Variants in ADGRL3 observed in about 807,000 individuals in gnomAD.
ADGRL3 encodes adhesion G protein-coupled receptor L3, also known as calcium-independent alpha-latrotoxin receptor 3.
ADGRL3 carries 62 observed loss-of-function variants against 153.5 expected under a neutral mutation model. The observed-to-expected ratio is 0.40, with a 90% CI of 0.33 to 0.50. The LOEUF (loss-of-function observed/expected upper bound fraction) is 0.50. ADGRL3 is among the 20% of genes least tolerant of loss of function. ADGRL3 has a pLI of 0.47. For synonymous variants in ADGRL3, 710 were observed against 672.5 expected (o/e 1.06, Z -0.86); for missense variants, 1,641 against 1,859.4 (o/e 0.88, Z 2.16).
At chr4:62,006,450 T>C (rs1431616279) in intron 21 of ADGRL3, among the ~76,000 whole-genome samples, 1 of 151,836 alleles carries the variant, frequency 6.6e-6, no homozygotes, top group Non-Finnish European at 1.5e-5. Context: ...CTTTTGGGGG[T>C]AGGACAGTTT....
intron 1 of ADGRL3, among the ~76,000 whole-genome samples, chr4:61,222,255 A>G (rs1168551786): frequency 1.3e-5 from 2 of 152,012 alleles, no homozygotes; most frequent in Admixed American, 6.6e-5. Flanking sequence ...TTTCTTTTAA[A>G]TCTGTTGTAA....
At chr4:61,208,019 C>G (rs1440002221) in intron 1 of ADGRL3, among the ~76,000 whole-genome samples, 1 of 152,112 alleles carries the variant, frequency 6.6e-6, no homozygotes, top group African/African-American at 2.4e-5. Flanking sequence ...ATTCTATTTC[C>G]AAATAATCCA....
At chr4:61,599,675 G>A (rs536209104) in intron 5 of ADGRL3, among the ~76,000 whole-genome samples, 2 of 152,216 alleles carry the variant, frequency 1.3e-5, no homozygotes, top group East Asian at 3.9e-4. Flanking sequence ...GAAAGCTGGA[G>A]GGACAGATAG....
chr4:61,973,843 T>C (rs2099038214), intron 17 of ADGRL3, among the ~76,000 whole-genome samples: 1 of 152,172 alleles, frequency 6.6e-6, no homozygotes, highest in Non-Finnish European at 1.5e-5. Flanking sequence ...ACAAATGAAT[T>C]AGTATTTTTC....
chr4:61,462,532 C>T (rs2097834464), intron 2 of ADGRL3, among the ~76,000 whole-genome samples: 1 of 152,066 alleles, frequency 6.6e-6, no homozygotes, highest in African/African-American at 2.4e-5. Flanking sequence ...ATCTTGTTCA[C>T]ATGAGTCAGC....
chr4:61,679,787 C>T (rs937007586), intron 6 of ADGRL3, among the ~76,000 whole-genome samples: 5 of 152,002 alleles, frequency 3.3e-5, no homozygotes, highest in Non-Finnish European at 5.9e-5. Flanking sequence ...AATACCTGTT[C>T]TTAAGAACCT....
At position 61,687,245 on chromosome 4, in the gene ADGRL3, A is replaced by G. The variant is rs1443104980; in HGVS notation, c.583+10310A>G. ...GTCTATATTCTAATTCTCAGAATGA[A>G]TATGTCACCTTAACAGTCAAAAGAG... On this transcript the variant is annotated intron_variant, in intron 6 of 26. Transcript: ENST00000683033. Among the ~76,000 whole-genome samples the G allele has an allele frequency of 2.6e-5, 4 of 152,060 alleles. No homozygotes were observed. In the East Asian group the frequency reaches 7.7e-4, roughly 29 times the overall value.
At chr4:61,560,185 C>T (rs954927168) in intron 4 of ADGRL3, among the ~76,000 whole-genome samples, 7 of 151,906 alleles carry the variant, frequency 4.6e-5, no homozygotes, top group Non-Finnish European at 8.8e-5. Context: ...TTATTTGCCT[C>T]GAAACACAAG....
intron 10 of ADGRL3, 102 bp downstream of exon 10, chr4:61,893,060 T>A: frequency 3.7e-6 from 2 of 541,416 alleles, no homozygotes; most frequent in East Asian, 7.2e-5. Context: ...CCTCCCTCCC[T>A]TCCTCCCTCC....
chr4:61,746,687 C>A (rs368146388), intron 8 of ADGRL3, among the ~76,000 whole-genome samples: 2 of 152,200 alleles, frequency 1.3e-5, no homozygotes, highest in Non-Finnish European at 1.5e-5. Context: ...ATACCAGAAT[C>A]TCTGGGACAT....
intron 21 of ADGRL3, among the ~76,000 whole-genome samples, chr4:61,999,178 C>A (rs1406595937): frequency 6.6e-6 from 1 of 152,180 alleles, no homozygotes; most frequent in Non-Finnish European, 1.5e-5. Flanking sequence ...CTCCTAGGAG[C>A]TAAAGCTAAA....
chr4:61,219,282 A>T (rs1369687415), intron 1 of ADGRL3, among the ~76,000 whole-genome samples: 1 of 152,190 alleles, frequency 6.6e-6, no homozygotes, highest in Admixed American at 6.5e-5. Flanking sequence ...TACCTGTATA[A>T]GATATGGTTG....
At chr4:61,239,509 T>C (rs1355145386) in intron 1 of ADGRL3, among the ~76,000 whole-genome samples, 1 of 151,988 alleles carries the variant, frequency 6.6e-6, no homozygotes, top group Non-Finnish European at 1.5e-5. Flanking sequence ...GATGTTACTC[T>C]CCCAGGAGAC....
chr4:61,465,839 T>C (rs2152642775), intron 2 of ADGRL3, among the ~76,000 whole-genome samples: 1 of 150,278 alleles, frequency 6.7e-6, no homozygotes, highest in East Asian at 2.0e-4. Flanking sequence ...ATCCAACTCA[T>C]GGCTGGGCGC....
chr4:61,781,119 G>A (rs2097207913), intron 8 of ADGRL3, among the ~76,000 whole-genome samples: 1 of 152,072 alleles, frequency 6.6e-6, no homozygotes, highest in African/African-American at 2.4e-5. Flanking sequence ...CTGAGGTCAG[G>A]AGTTTGAGAC....
intron 1 of ADGRL3, among the ~76,000 whole-genome samples, chr4:61,316,886 T>A (rs963196376): frequency 2.0e-5 from 3 of 152,020 alleles, no homozygotes; most frequent in African/African-American, 7.2e-5. Context: ...CTCTTTATTA[T>A]TTTTTTTGTG....
chr4:61,782,428 A>G (rs938042391), intron 8 of ADGRL3, among the ~76,000 whole-genome samples: 5 of 152,224 alleles, frequency 3.3e-5, no homozygotes, highest in African/African-American at 1.2e-4. Flanking sequence ...AATTAGCAAT[A>G]TTGAGCAAGA....
At chr4:61,277,304 C>T (rs1578087494) in intron 1 of ADGRL3, among the ~76,000 whole-genome samples, 1 of 152,032 alleles carries the variant, frequency 6.6e-6, no homozygotes, top group African/African-American at 2.4e-5. Flanking sequence ...ATTTTTAGAA[C>T]GGTGCATAGA....
Position 61,202,407 on chromosome 4 carries a change from G to A in ADGRL3, c.-240+642G>A, listed in dbSNP as rs558321802. Among the ~76,000 whole-genome samples the A allele has an allele frequency of 2.9e-4, 44 of 152,306 alleles. No individual in the cohort carries two copies. Among genetic ancestry groups the A allele is most frequent in the Non-Finnish European group, 6.2e-4 (42 of 68,024 alleles). Reference sequence around the variant, plus strand: ...GTTGTGTCTCCTTCACGGCAGTTTGGTTTAGACCTGCGTGCCCAGGCTTTG... The same window carrying A: ...GTTGTGTCTCCTTCACGGCAGTTTGATTTAGACCTGCGTGCCCAGGCTTTG... On this transcript the variant is annotated intron_variant, in intron 1 of 26. Transcript: ENST00000683033. The surrounding 1 kb of genome is among the most constrained non-coding windows in gnomAD (Gnocchi z 5.0).
Sources: gnomAD v4.1 joint callset for allele counts (sites outside exome capture counted in the v4.1 genomes callset) on GRCh38, gnomAD v4.1.1 for gene constraint, Gnocchi (gnomAD v3.1) non-coding constraint, MANE v1.5 for transcripts, NCBI Gene and HGNC (gene_info 2026-07-23, HGNC 2026-07-21) for gene names.